Variants in FOXC2 observed in about 807,000 individuals in gnomAD.
FOXC2 encodes forkhead box protein C2.
Under a neutral mutation model 7.2 loss-of-function variants are expected in FOXC2, and 7 were observed. The observed-to-expected ratio is 0.97, with a 90% confidence interval of 0.55 to 1.81. FOXC2 has a LOEUF of 1.81. Ranked by LOEUF, FOXC2 falls within the 40% of genes most tolerant of loss-of-function variation. The probability of loss-of-function intolerance (pLI) is 0.00; values close to 1 mark genes in which losing one functional copy is unlikely to be tolerated. For missense variants in FOXC2, 846 were observed against 741.2 expected (o/e 1.14, Z -1.64); for synonymous variants, 436 against 350.4 (o/e 1.24, Z -2.73).
In FOXC2 at chr16:86,568,010, C is replaced by A; in HGVS notation, c.675C>A (p.Ile225=). 1 of 1,490,816 alleles carries A rather than the reference C, an allele frequency of 6.7e-7. No homozygotes were observed. The highest frequency in any genetic ancestry group is 8.8e-7 in the Non-Finnish European group (1 of 1,133,738). 92.3% of individuals were successfully genotyped at this position (1,490,816 alleles called of 1,614,324 possible). A position where few individuals can be genotyped will look rare whatever the true frequency, so the allele number is the denominator to read the frequency against. Residue 225 remains isoleucine, a synonymous_variant, in exon 1 of 1, where the codon ATC becomes ATA. Transcript: ENST00000649859. This position sits in a 1 kb window ranked among gnomAD's most constrained non-coding sequence, Gnocchi z 5.2. ...CGGCGTCCCCGGCGCTGCCGGTCATCACCAAGGTGGAGACGCTGAGCCCCG... is the reference window on the plus strand; with the variant it reads ...CGGCGTCCCCGGCGCTGCCGGTCATAACCAAGGTGGAGACGCTGAGCCCCG... ...SEAASPALPV[I]TKVETLSPES... is the part of the protein sequence containing the mutation.
In FOXC2 at chr16:86,567,746, CAAG is replaced by C. The variant is rs1365255366; in HGVS notation, c.415_417del (p.Lys139del). ...GCTTCGTCAAGGTGCCCCGCGACGA[CAAG>C]AAGCCCGGCAAGGGCAGTTACTGGA... On this transcript the variant is annotated inframe_deletion, in exon 1 of 1. Coordinates refer to ENST00000649859, the MANE Select transcript of FOXC2 (RefSeq NM_005251.3). 4 of 1,614,224 alleles carry C rather than the reference CAAG, an allele frequency of 2.5e-6. No homozygotes were observed.
At position 86,568,933 on chromosome 16, in the gene FOXC2, A is replaced by G; in HGVS notation, c.*92A>G. ...AATTAAGGGGCTGCAGAGACGCAAA[A>G]AAGAAACAAAACATGTCCACCAACC... On this transcript the variant is annotated 3_prime_UTR_variant, in exon 1 of 1. Transcript: ENST00000649859. This position sits in a 1 kb window ranked among gnomAD's most constrained non-coding sequence, Gnocchi z 5.2. 1 of 1,532,656 alleles carries G rather than the reference A, an allele frequency of 6.5e-7. No individual in the cohort carries two copies. The highest frequency in any genetic ancestry group is 1.2e-5 in the South Asian group (1 of 85,708). 94.9% of individuals were successfully genotyped at this position (1,532,656 alleles called of 1,614,324 possible). A position where few individuals can be genotyped will look rare whatever the true frequency, so the allele number is the denominator to read the frequency against.
Position 86,568,918 on chromosome 16 carries a change from C to T in FOXC2, c.*77C>T. On this transcript the variant is annotated 3_prime_UTR_variant, in exon 1 of 1. Transcript: ENST00000649859. The surrounding 1 kb of genome is among the most constrained non-coding windows in gnomAD (Gnocchi z 5.2). ...CCGACCCAACCAGACAATTAAGGGG[C>T]TGCAGAGACGCAAAAAAGAAACAAA... 1.3e-6 allele frequency: 2 copies of T among 1,580,578 alleles called. No homozygotes were observed. Among genetic ancestry groups the T allele is most frequent in the East Asian group, 2.3e-5 (1 of 43,194 alleles).
Position 86,569,090 on chromosome 16 carries a change from A to C in FOXC2, c.*249A>C. 5.0e-6 allele frequency: 3 copies of C among 594,632 alleles called. No homozygotes were observed. Among genetic ancestry groups the C allele is most frequent in the East Asian group, 5.8e-5 (2 of 34,266 alleles). The allele number at this position is 594,632 out of a possible 1,614,324, so 36.8% of individuals were successfully genotyped here. On this transcript the variant is annotated 3_prime_UTR_variant, in exon 1 of 1. Coordinates refer to ENST00000649859, the MANE Select transcript of FOXC2 (RefSeq NM_005251.3). ...CCTCCAAAGGGACGCAGCCCAACAA[A>C]ATGAGTATTGATCTTAAAATCCCCC...
Position 86,567,810 on chromosome 16 carries a change from G to A in FOXC2, c.475G>A (p.Gly159Ser). ...DPDSYNMFEN[G>S]SFLRRRRRFK... is the part of the protein sequence containing the mutation. ...GGACTCCTACAACATGTTCGAGAAC[G>A]GCAGCTTCCTGCGGCGCCGGCGGCG... Residue 159 changes from glycine (G) to serine (S), a missense_variant, in exon 1 of 1, where the codon GGC becomes AGC. Physicochemically the swap from Gly to Ser is moderately conservative, Grantham distance 56. Transcript: ENST00000649859. 2 of 1,613,906 alleles carry A rather than the reference G, an allele frequency of 1.2e-6. No homozygotes were observed. Among genetic ancestry groups the A allele is most frequent in the Non-Finnish European group, 8.5e-7 (1 of 1,180,020 alleles).
At position 86,568,465 on chromosome 16, in the gene FOXC2, G is replaced by A; in HGVS notation, c.1130G>A (p.Gly377Asp). ...SPLSALNLAA[G>D]QEGALAATGH... Reference sequence around the variant, plus strand: ...CTGAGCGCTCTCAACCTCGCCGCCGGCCAGGAGGGCGCGCTCGCCGCCACG... The same window carrying A: ...CTGAGCGCTCTCAACCTCGCCGCCGACCAGGAGGGCGCGCTCGCCGCCACG... Residue 377 changes from glycine (G) to aspartate (D), a missense_variant, in exon 1 of 1, where the codon GGC (glycine) becomes GAC (aspartate). This residue lies in a region of FOXC2 where 640 missense variants were observed against 503.2 expected (regional missense o/e 1.27). Transcript: ENST00000649859. This position sits in a 1 kb window ranked among gnomAD's most constrained non-coding sequence, Gnocchi z 5.2. 1 of 1,327,344 alleles carries A rather than the reference G, an allele frequency of 7.5e-7. No homozygotes were observed. The highest frequency in any genetic ancestry group is 9.7e-7 in the Non-Finnish European group (1 of 1,033,338). 82.2% of individuals were successfully genotyped at this position (1,327,344 alleles called of 1,614,324 possible). A position where few individuals can be genotyped will look rare whatever the true frequency, so the allele number is the denominator to read the frequency against.
Position 86,568,213 on chromosome 16 carries a change from G to A in FOXC2, c.878G>A (p.Arg293His). ...GGAGAGCTGAGCCCGGGGGCCGGAC[G>A]CGCGGGCCTGGTGGTGCCGCCGCTG... ...PGGELSPGAG[R>H]AGLVVPPLAL... The change falls in exon 1 of 1, where the codon CGC (arginine) becomes CAC (histidine). Residue 293 changes from arginine to histidine, a missense_variant. Arg to His is a conservative substitution (Grantham distance 29, BLOSUM62 0). This residue lies in a region of FOXC2 where 640 missense variants were observed against 503.2 expected (regional missense o/e 1.27). Transcript: ENST00000649859. The surrounding 1 kb of genome is among the most constrained non-coding windows in gnomAD (Gnocchi z 5.2). 7.8e-7 allele frequency: 1 copy of A among 1,275,448 alleles called. No homozygotes were observed. The highest frequency in any genetic ancestry group is 9.8e-7 in the Non-Finnish European group (1 of 1,018,236). 79.0% of individuals were successfully genotyped at this position (1,275,448 alleles called of 1,614,324 possible).
Position 86,568,883 on chromosome 16 carries a change from C to T in FOXC2, c.*42C>T, listed in dbSNP as rs3751795. The stretch of plus-strand genomic sequence containing the variant: ...CCCTCCCCGGCCCGCTCCGGCTTCG[C>T]TTCCCAGCCCCGACCCAACCAGACA... On this transcript the variant is annotated 3_prime_UTR_variant, in exon 1 of 1. Coordinates refer to ENST00000649859, the MANE Select transcript of FOXC2 (RefSeq NM_005251.3). This position sits in a 1 kb window ranked among gnomAD's most constrained non-coding sequence, Gnocchi z 5.2. 5,023 of 1,609,864 alleles carry T rather than the reference C, an allele frequency of 3.1e-3. 201 individuals carry two copies. The East Asian group carries it at 0.08, about 25-fold the overall frequency.
Position 86,568,715 on chromosome 16 carries a change from G to A in FOXC2, c.1380G>A (p.Gly460=), listed in dbSNP as rs895105564. 3 of 1,612,974 alleles carry A rather than the reference G, an allele frequency of 1.9e-6. No homozygotes were observed. The highest frequency in any genetic ancestry group is 1.1e-5 in the South Asian group (1 of 91,086). ...VREMFNSHRL[G]IENSTLGESQ... ...AGATGTTCAACTCCCACCGGCTGGG[G>A]ATTGAGAACTCGACCCTCGGGGAGT... Residue 460 remains glycine, a synonymous_variant, in exon 1 of 1, where the codon GGG becomes GGA. Coordinates refer to ENST00000649859, the MANE Select transcript of FOXC2 (RefSeq NM_005251.3). The surrounding 1 kb of genome is among the most constrained non-coding windows in gnomAD (Gnocchi z 5.2).
At position 86,568,570 on chromosome 16, in the gene FOXC2, C is replaced by T. The variant is rs1276159116; in HGVS notation, c.1235C>T (p.Pro412Leu). The change falls in exon 1 of 1, where the codon CCG becomes CTG. Residue 412 changes from proline to leucine, a missense_variant. This residue lies in a region of FOXC2 where 640 missense variants were observed against 503.2 expected (regional missense o/e 1.27). Transcript: ENST00000649859. The surrounding 1 kb of genome is among the most constrained non-coding windows in gnomAD (Gnocchi z 5.2). ...PPPAPQPQPTPQPGAAAAQAA... is the reference protein window; with the variant it reads ...PPPAPQPQPTLQPGAAAAQAA... ...CCGGCTCCCCAGCCCCAGCCGACGC[C>T]GCAGCCCGGGGCCGCCGCGGCGCAG... 1.3e-6 allele frequency: 2 copies of T among 1,566,108 alleles called. No individual in the cohort carries two copies. The highest frequency in any genetic ancestry group is 2.4e-5 in the East Asian group (1 of 41,438).
rs1195263822 is a variant in FOXC2 at position 86,567,198 on chromosome 16, C to T, written c.-138C>T. On this transcript the variant is annotated 5_prime_UTR_variant, in exon 1 of 1. Coordinates refer to ENST00000649859, the MANE Select transcript of FOXC2 (RefSeq NM_005251.3). ...CGCGCACCCTCGCCCCGGAGGCTGC[C>T]AGGAGCCCGGGGCCGCCCCTCCCGC... 3.1e-6 allele frequency: 3 copies of T among 981,040 alleles called. No homozygotes were observed. The highest frequency in any genetic ancestry group is 2.7e-5 in the East Asian group (1 of 36,512). 60.8% of individuals were successfully genotyped at this position (981,040 alleles called of 1,614,324 possible). A position where few individuals can be genotyped will look rare whatever the true frequency, so the allele number is the denominator to read the frequency against.
rs1238179628 is a variant in FOXC2 at position 86,568,505 on chromosome 16, G to A, written c.1170G>A (p.Gln390=). 2 of 1,293,320 alleles carry A rather than the reference G, an allele frequency of 1.5e-6. No individual in the cohort carries two copies. Among genetic ancestry groups the A allele is most frequent in the East Asian group, 3.4e-5 (1 of 29,660 alleles). 80.1% of individuals were successfully genotyped at this position (1,293,320 alleles called of 1,614,324 possible). A position where few individuals can be genotyped will look rare whatever the true frequency, so the allele number is the denominator to read the frequency against. ...TCGCCGCCACGGGCCACCACCACCA[G>A]CACCACGGCCACCACCACCCGCAGG... is the stretch of plus-strand genomic sequence containing the variant. ...GALAATGHHH[Q]HHGHHHPQAP... is the part of the protein sequence containing the mutation. Residue 390 remains glutamine (Q), a synonymous_variant, in exon 1 of 1, where the codon CAG becomes CAA. Transcript: ENST00000649859. The surrounding 1 kb of genome is among the most constrained non-coding windows in gnomAD (Gnocchi z 5.2).
chr16:86,568,925 G>A lies in FOXC2; in HGVS notation c.*84G>A, dbSNP rs1197832576. 4 of 1,568,154 alleles carry A rather than the reference G, an allele frequency of 2.6e-6. No homozygotes were observed. Among genetic ancestry groups the A allele is most frequent in the African/African-American group, 1.4e-5 (1 of 73,532 alleles). ...AACCAGACAATTAAGGGGCTGCAGA[G>A]ACGCAAAAAAGAAACAAAACATGTC... On this transcript the variant is annotated 3_prime_UTR_variant, in exon 1 of 1. Transcript: ENST00000649859. The surrounding 1 kb of genome is among the most constrained non-coding windows in gnomAD (Gnocchi z 5.2).
In FOXC2 at chr16:86,568,733, C is replaced by T; in HGVS notation, c.1398C>T (p.Leu466=). ...GGCTGGGGATTGAGAACTCGACCCTCGGGGAGTCCCAGGTGAGTGGCAATG... is the reference window on the plus strand; with the variant it reads ...GGCTGGGGATTGAGAACTCGACCCTTGGGGAGTCCCAGGTGAGTGGCAATG... The part of the protein sequence containing the change: ...SHRLGIENST[L]GESQVSGNAS... Residue 466 remains leucine (L), a synonymous_variant, in exon 1 of 1, where the codon CTC becomes CTT. Coordinates refer to ENST00000649859, the MANE Select transcript of FOXC2 (RefSeq NM_005251.3). This position sits in a 1 kb window ranked among gnomAD's most constrained non-coding sequence, Gnocchi z 5.2. 2 of 1,612,972 alleles carry T rather than the reference C, an allele frequency of 1.2e-6. No individual in the cohort carries two copies. Among genetic ancestry groups the T allele is most frequent in the Non-Finnish European group, 1.7e-6 (2 of 1,180,010 alleles).
At position 86,567,896 on chromosome 16, in the gene FOXC2, C is replaced by G. The variant is rs758812819; in HGVS notation, c.561C>G (p.Pro187=). ...AGCGGGCCCACCTCAAGGAGCCGCC[C>G]CCGGCGGCGTCCAAGGGCGCCCCGG... ...KEERAHLKEP[P]PAASKGAPAT... is the part of the protein sequence containing the mutation. Residue 187 remains proline (P), a synonymous_variant, in exon 1 of 1, where the codon CCC becomes CCG. Transcript: ENST00000649859. 6.3e-7 allele frequency: 1 copy of G among 1,593,910 alleles called. No homozygotes were observed. Among genetic ancestry groups the G allele is most frequent in the Non-Finnish European group, 8.5e-7 (1 of 1,175,786 alleles).
Position 86,568,538 on chromosome 16 carries a change from G to A in FOXC2, c.1203G>A (p.Pro401=). 1 of 1,292,438 alleles carries A rather than the reference G, an allele frequency of 7.7e-7. No individual in the cohort carries two copies. The highest frequency in any genetic ancestry group is 3.7e-5 in the Admixed American group (1 of 27,332). The allele number at this position is 1,292,438 out of a possible 1,614,324, so 80.1% of individuals were successfully genotyped here. Residue 401 remains proline (P), a synonymous_variant, in exon 1 of 1, where the codon CCG becomes CCA. Transcript: ENST00000649859. The surrounding 1 kb of genome is among the most constrained non-coding windows in gnomAD (Gnocchi z 5.2). ...GCCACCACCACCCGCAGGCGCCGCC[G>A]CCCCCGCCGGCTCCCCAGCCCCAGC... ...HHGHHHPQAP[P]PPPAPQPQPT...
Position 86,568,625 on chromosome 16 carries a change from G to C in FOXC2, c.1290G>C (p.Gly430=). 3.7e-6 allele frequency: 6 copies of C among 1,612,356 alleles called. No homozygotes were observed. Among genetic ancestry groups the C allele is most frequent in the Non-Finnish European group, 5.1e-6 (6 of 1,179,892 alleles). ...QAASWYLNHS[G]DLNHLPGHTF... ...CCTCCTGGTATCTCAACCACAGCGG[G>C]GACCTGAACCACCTCCCCGGCCACA... The change falls in exon 1 of 1, where the codon GGG becomes GGC. Residue 430 remains glycine, a synonymous_variant. Transcript: ENST00000649859. This position sits in a 1 kb window ranked among gnomAD's most constrained non-coding sequence, Gnocchi z 5.2.
Position 86,567,490 on chromosome 16 carries a change from T to C in FOXC2, c.155T>C (p.Met52Thr). ...CACCCGGAGCAGTACAGCGCGGGGA[T>C]GGGCCGCTCCTACGCGCCCTACCAC... The part of the protein sequence containing the change: ...SGHPEQYSAG[M>T]GRSYAPYHHH... Residue 52 changes from methionine (M) to threonine (T), a missense_variant, in exon 1 of 1, where the codon ATG becomes ACG. Met to Thr is a moderately conservative substitution (Grantham distance 81). Coordinates refer to ENST00000649859, the MANE Select transcript of FOXC2 (RefSeq NM_005251.3). 1 of 1,613,626 alleles carries C rather than the reference T, an allele frequency of 6.2e-7. No individual in the cohort carries two copies. Among genetic ancestry groups the C allele is most frequent in the East Asian group, 2.2e-5 (1 of 44,814 alleles).
In FOXC2 at chr16:86,569,657, T is replaced by C. The variant is rs770696305; in HGVS notation, c.*816T>C. 2.4e-5 allele frequency: 4 copies of C among 166,762 alleles called. No homozygotes were observed. Among genetic ancestry groups the C allele is most frequent in the Non-Finnish European group, 4.4e-5 (3 of 68,094 alleles). The allele number at this position is 166,762 out of a possible 1,614,324, so 10.3% of individuals were successfully genotyped here. ...AAAGCTTAAAAACTCTAACTTCATC[T>C]GTGTTTGTCTTACGTGGTCTTAATC... On this transcript the variant is annotated 3_prime_UTR_variant, in exon 1 of 1. Coordinates refer to ENST00000649859, the MANE Select transcript of FOXC2 (RefSeq NM_005251.3).
Sources: allele counts gnomAD v4.1 joint callset, GRCh38; gene constraint gnomAD v4.1.1; regional missense constraint gnomAD v4.1.1; non-coding constraint Gnocchi (gnomAD v3.1); transcripts MANE v1.5; gene names NCBI Gene and HGNC (gene_info 2026-07-23, HGNC 2026-07-21).